The following PLEKHG7 variants were observed in gnomAD, a reference collection of about 807,000 sequenced individuals.
PLEKHG7 encodes the protein pleckstrin homology and RhoGEF domain containing G7.
In PLEKHG7, 77 loss-of-function variants were observed where a neutral mutation model predicts 85.2. That is an observed-to-expected ratio of 0.90 (90% CI 0.75 to 1.09). PLEKHG7 has a LOEUF of 1.09. Among genes scored for constraint, PLEKHG7 ranks in the 50% least tolerant of loss-of-function variants. The pLI, the probability that PLEKHG7 is intolerant of heterozygous loss-of-function variation, is 0.00. For synonymous variants in PLEKHG7, 301 were observed against 302.4 expected (o/e 1.00, Z 0.05); for missense variants, 777 against 804.3 (o/e 0.97, Z 0.41).
rs1247956005 is a variant in PLEKHG7 at position 92,764,049 on chromosome 12, A to C, written c.1725A>C (p.Gly575=). 1 of 1,590,856 alleles carries C rather than the reference A, an allele frequency of 6.3e-7. No individual in the cohort carries two copies. Among genetic ancestry groups the C allele is most frequent in the Non-Finnish European group, 8.5e-7 (1 of 1,170,756 alleles). The change falls in exon 15 of 17, where the codon GGA becomes GGC. Residue 575 remains glycine, a synonymous_variant. Coordinates refer to ENST00000344636, the MANE Select transcript of PLEKHG7 (RefSeq NM_001377329.1). ...TTTCTTGTTAATTTCAGAAACTTGG[A>C]GGCTCAGACCCTGGTTTAATGTGTC... ...TKTKCNKKKL[G]GSDPGLMCPS...
rs186260074 is a variant in PLEKHG7 at position 92,765,073 on chromosome 12, G to T, written c.1870+879G>T. On this transcript the variant is annotated intron_variant, in intron 15 of 16. Coordinates refer to ENST00000344636, the MANE Select transcript of PLEKHG7 (RefSeq NM_001377329.1). ...TCCCATCCCAGCAGCCAAGCCCAGA[G>T]CTTCAGTGAAGAGCATAGGACTGAC... Among the ~76,000 whole-genome samples the T allele has an allele frequency of 1.8e-3, 270 of 152,232 alleles. 2 individuals carry two copies. The highest frequency in any genetic ancestry group is 6.3e-3 in the African/African-American group (262 of 41,542).
intron 4 of PLEKHG7, among the ~76,000 whole-genome samples, chr12:92,731,758 T>C (rs1341238154): frequency 6.6e-6 from 1 of 152,172 alleles, no homozygotes; most frequent in Non-Finnish European, 1.5e-5. Context: ...TAACCACATC[T>C]GGGGATTATG....
chr12:92,739,817 T>C (rs1478290898), intron 7 of PLEKHG7, among the ~76,000 whole-genome samples: 1 of 152,228 alleles, frequency 6.6e-6, no homozygotes, highest in Non-Finnish European at 1.5e-5. Flanking sequence ...GAGTTCTGTT[T>C]CTTACAATCA....
intron 10 of PLEKHG7, among the ~76,000 whole-genome samples, chr12:92,751,458 C>T (rs964899141): frequency 6.6e-6 from 1 of 152,084 alleles, no homozygotes; most frequent in South Asian, 2.1e-4. Context: ...CTCTGCCTAC[C>T]GGGTTCAGGC....
intron 3 of PLEKHG7, among the ~76,000 whole-genome samples, chr12:92,720,781 G>A (rs1309964356): frequency 6.6e-6 from 1 of 152,152 alleles, no homozygotes; most frequent in Non-Finnish European, 1.5e-5. Flanking sequence ...GTTAGGATGT[G>A]GACATATCAC....
intron 15 of PLEKHG7, among the ~76,000 whole-genome samples, chr12:92,766,185 G>A (rs1440430143): frequency 2.0e-5 from 3 of 152,192 alleles, no homozygotes; most frequent in Non-Finnish European, 2.9e-5. Flanking sequence ...TGTGGCGGCT[G>A]GAAATCACTT....
intron 9 of PLEKHG7, among the ~76,000 whole-genome samples, chr12:92,744,624 T>C (rs2136609179): frequency 6.6e-6 from 1 of 151,656 alleles, no homozygotes; most frequent in Admixed American, 6.6e-5. Context: ...TGCTACTAGA[T>C]ACAGTATGCT....
At chr12:92,732,845 G>A (rs1872031035) in intron 5 of PLEKHG7, among the ~76,000 whole-genome samples, 1 of 152,128 alleles carries the variant, frequency 6.6e-6, no homozygotes, top group Non-Finnish European at 1.5e-5. Context: ...GTTCCTTCTG[G>A]CATGCTGTGG....
At position 92,770,876 on chromosome 12, in the gene PLEKHG7, CT is replaced by C. The variant is rs1226609164; in HGVS notation, c.*685del. 1 of 151,950 alleles carries C rather than the reference CT, an allele frequency of 6.6e-6. No homozygotes were observed. The highest frequency in any genetic ancestry group is 2.4e-5 in the African/African-American group (1 of 41,408). The allele number at this position is 151,950 out of a possible 1,614,324, so 9.4% of individuals were successfully genotyped here. A position where few individuals can be genotyped will look rare whatever the true frequency, so the allele number is the denominator to read the frequency against. The stretch of plus-strand genomic sequence containing the variant: ...TTCACCAGTTAACACTTTTGCATGG[CT>C]TTTCTTGGCCTGTTGTGAAGTGTAC... On this transcript the variant is annotated 3_prime_UTR_variant, in exon 17 of 17. Coordinates refer to ENST00000344636, the MANE Select transcript of PLEKHG7 (RefSeq NM_001377329.1).
At chr12:92,744,621 A>C (rs945286481) in intron 9 of PLEKHG7, among the ~76,000 whole-genome samples, 1 of 151,854 alleles carries the variant, frequency 6.6e-6, no homozygotes, top group South Asian at 2.1e-4. Flanking sequence ...GCATGCTACT[A>C]GATACAGTAT....
chr12:92,705,360 AG>A (rs1383571038), intron 1 of PLEKHG7, among the ~76,000 whole-genome samples: 3 of 152,270 alleles, frequency 2.0e-5, no homozygotes, highest in African/African-American at 7.2e-5. Flanking sequence ...ATCAAGTTAA[AG>A]AAGCAAATAA....
At chr12:92,732,160 T>C in intron 4 of PLEKHG7, 73 bp from the exon 5 acceptor site, 1 of 952,566 alleles carries the variant, frequency 1.0e-6, no homozygotes, top group Non-Finnish European at 1.4e-6. Context: ...GCAGGTTTTG[T>C]AAAGCACTAC....
intron 13 of PLEKHG7, among the ~76,000 whole-genome samples, chr12:92,759,387 C>T (rs956420988): frequency 2.0e-5 from 3 of 152,148 alleles, no homozygotes; most frequent in Admixed American, 6.5e-5. Flanking sequence ...ATTGAGCTGA[C>T]GCATACATGA....
chr12:92,762,894 G>A (rs550659363), intron 14 of PLEKHG7, among the ~76,000 whole-genome samples: 15 of 152,182 alleles, frequency 9.9e-5, no homozygotes, highest in African/African-American at 2.2e-4. Context: ...ATAGCTAATC[G>A]GTGGTTGGGG....
intron 10 of PLEKHG7, among the ~76,000 whole-genome samples, chr12:92,750,807 CCA>C: frequency 6.6e-6 from 1 of 152,260 alleles, no homozygotes; most frequent in East Asian, 1.9e-4. Flanking sequence ...TCAATGAGAA[CCA>C]CAGTCATTTG....
chr12:92,703,821 T>C (rs1243375046), intron 1 of PLEKHG7, among the ~76,000 whole-genome samples: 6 of 152,222 alleles, frequency 3.9e-5, no homozygotes, highest in African/African-American at 7.2e-5. Context: ...GTGAATCCTA[T>C]TGGCCATAAA....
intron 3 of PLEKHG7, among the ~76,000 whole-genome samples, chr12:92,719,777 A>T (rs943365471): frequency 1.8e-4 from 28 of 152,236 alleles, no homozygotes; most frequent in African/African-American, 6.0e-4. Flanking sequence ...TCTATTAGTC[A>T]TATTTCTAAA....
intron 3 of PLEKHG7, among the ~76,000 whole-genome samples, chr12:92,726,188 G>T (rs1280737538): frequency 6.6e-6 from 1 of 152,186 alleles, no homozygotes; most frequent in Non-Finnish European, 1.5e-5. Flanking sequence ...ATGGAACTTG[G>T]CTGCAGAGCC....
chr12:92,705,401 A>G (rs1023444024), intron 1 of PLEKHG7, among the ~76,000 whole-genome samples: 1 of 152,238 alleles, frequency 6.6e-6, no homozygotes, highest in Non-Finnish European at 1.5e-5. Flanking sequence ...ACTAAAAAGT[A>G]TTGCCCATGC....
Sources: gnomAD v4.1 joint callset for allele counts (sites outside exome capture counted in the v4.1 genomes callset) on GRCh38, gnomAD v4.1.1 for gene constraint, MANE v1.5 for transcripts, NCBI Gene and HGNC (gene_info 2026-07-23, HGNC 2026-07-21) for gene names.